Variants in CDHR5 observed in about 807,000 individuals in gnomAD.
CDHR5 encodes cadherin related family member 5, also known as cadherin-related family member 5.
In CDHR5, 82 loss-of-function variants were observed where a neutral mutation model predicts 69.5. The ratio of observed to expected loss-of-function variants is 1.18; its 90% CI spans 0.99 to 1.42. CDHR5 has a LOEUF of 1.42. Ranked by LOEUF, CDHR5 falls within the 40% of genes most tolerant of loss-of-function variation. CDHR5 has a pLI of 0.00. For missense variants in CDHR5, 1,293 were observed against 1,168.9 expected, an observed-to-expected ratio of 1.11 and a Z score of -1.55; for synonymous variants, 601 against 510.2, an observed-to-expected ratio of 1.18 and a Z score of -2.40.
At chr11:620,517 C>T (rs938255207) in intron 7 of CDHR5, 131 bp from the exon 8 acceptor site, 7 of 625,248 alleles carry the variant, frequency 1.1e-5, no homozygotes, top group African/African-American at 3.7e-5. Context: ...CCGGGCGTCC[C>T]TGCCTGCCTA....
rs866649819 is a variant in CDHR5 at position 619,836 on chromosome 11, C to T, written c.1024G>A (p.Val342Met). The T allele has an allele frequency of 6.4e-6, 10 of 1,568,444 alleles. No individual in the cohort carries two copies. The highest frequency in any genetic ancestry group is 4.0e-5 in the African/African-American group (3 of 74,088). ...CTCCCGGCCGCAGCCACAGCCTCCA[C>T]GGTGACCTGGGTCACTGAGTAGCGG... ...LARYSVTQVT[V>M]EAVAAAGSPP... The change falls in exon 10 of 15, where the codon GTG becomes ATG. Residue 342 changes from valine to methionine, a missense_variant. Physicochemically the swap from Val to Met is conservative, Grantham distance 21. Coordinates refer to ENST00000397542, the MANE Select transcript of CDHR5 (RefSeq NM_021924.5).
In CDHR5 at chr11:621,413, C is replaced by T. The variant is rs776648980; in HGVS notation, c.550G>A (p.Ala184Thr). 29 of 1,612,588 alleles carry T rather than the reference C, an allele frequency of 1.8e-5. No individual in the cohort carries two copies. The highest frequency in any genetic ancestry group is 1.2e-4 in the South Asian group (11 of 91,090). ...TCCAGGGGCCGGTCCAGCCTCAGGG[C>T]GGGACGGTTTACACTCACCAGGGAG... Reference protein sequence around the residue: ...YFSLVSVNRPALRLDRPLDFY... With the variant: ...YFSLVSVNRPTLRLDRPLDFY... The change falls in exon 6 of 15, where the codon GCC (alanine) becomes ACC (threonine). Residue 184 changes from alanine (A) to threonine (T), a missense_variant. Transcript: ENST00000397542. This position sits in a 1 kb window ranked among gnomAD's most constrained non-coding sequence, Gnocchi z 4.4.
chr11:619,258 G>A (rs368948601), intron 12 of CDHR5, 48 bp downstream of exon 12: 299 of 1,502,464 alleles, frequency 2.0e-4, no homozygotes, highest in Non-Finnish European at 2.6e-4. Context: ...GCCACCGAAG[G>A]GGCTTATTTG....
chr11:617,676 G>C lies in CDHR5; in HGVS notation c.2213C>G (p.Pro738Arg). ...CTCTGCGGGCATCGGTGCCTCCGCG[G>C]GCTTGGGGTCGTGCGTGGGGCTGGG... Reference protein sequence around the residue: ...PVPSPTHDPKPAEAPMPAEPA... With the variant: ...PVPSPTHDPKRAEAPMPAEPA... Residue 738 changes from proline to arginine, a missense_variant, in exon 15 of 15, where the codon CCC becomes CGC. Transcript: ENST00000397542. 1 of 1,487,596 alleles carries C rather than the reference G, an allele frequency of 6.7e-7. No individual in the cohort carries two copies. The highest frequency in any genetic ancestry group is 8.9e-7 in the Non-Finnish European group (1 of 1,125,026). 92.1% of individuals were successfully genotyped at this position (1,487,596 alleles called of 1,614,324 possible).
intron 14 of CDHR5, 28 bp downstream of exon 14, chr11:617,926 C>G (rs1450371987): frequency 5.0e-6 from 8 of 1,604,776 alleles, no homozygotes; most frequent in Non-Finnish European, 6.8e-6. Context: ...GCCTGGTCGC[C>G]TGCCCTGTTC....
chr11:622,022 G>A (rs907170894), intron 3 of CDHR5, 118 bp from the exon 4 acceptor site: 24 of 738,772 alleles, frequency 3.2e-5, no homozygotes, highest in South Asian at 1.4e-4. Flanking sequence ...ACCTGTCCCC[G>A]CCCTAAGTGA....
chr11:624,715 C>T lies in CDHR5; in HGVS notation c.103G>A (p.Asp35Asn). ...GTGTTCTCCTCTACTTCAAAGATGT[C>T]CTTGTTCACAGAGCAGTCTGTAAGG... ...AQAQYCSVNK[D>N]IFEVEENTNV... Residue 35 changes from aspartate to asparagine, a missense_variant, in exon 2 of 15, where the codon GAC becomes AAC. Coordinates refer to ENST00000397542, the MANE Select transcript of CDHR5 (RefSeq NM_021924.5). The surrounding 1 kb of genome is among the most constrained non-coding windows in gnomAD (Gnocchi z 5.3). 2 of 1,609,520 alleles carry T rather than the reference C, an allele frequency of 1.2e-6. No homozygotes were observed. The highest frequency in any genetic ancestry group is 1.7e-6 in the Non-Finnish European group (2 of 1,177,050).
Position 624,802 on chromosome 11 carries a change from C to T in CDHR5, c.85+16G>A, listed in dbSNP as rs762366527. ...TCCCCGCCGCCCGTGCCCCACCTAC[C>T]CCTGCCCGCACATACACTGGGCCTG... On this transcript the variant is annotated intron_variant, in intron 1 of 14. Transcript: ENST00000397542. This position sits in a 1 kb window ranked among gnomAD's most constrained non-coding sequence, Gnocchi z 5.3. The T allele has an allele frequency of 3.7e-6, 6 of 1,609,248 alleles. No individual in the cohort carries two copies. Among genetic ancestry groups the T allele is most frequent in the Middle Eastern group, 1.7e-4 (1 of 6,024 alleles).
At chr11:618,200 T>C in intron 13 of CDHR5, 89 bp from the exon 14 acceptor site, 2 of 1,152,936 alleles carry the variant, frequency 1.7e-6, no homozygotes, top group South Asian at 1.4e-5. Flanking sequence ...CTTGGGACAC[T>C]TGGGTTCCAC....
In CDHR5 at chr11:617,338, G is replaced by T; in HGVS notation, c.*13C>A. On this transcript the variant is annotated 3_prime_UTR_variant, in exon 15 of 15. Transcript: ENST00000397542. ...AGTGCCCGTGCGGCTGGGGGAGAGG[G>T]TGGAGGGGCCACTTAGATGTAGGAG... 1 of 1,577,148 alleles carries T rather than the reference G, an allele frequency of 6.3e-7. No individual in the cohort carries two copies. The highest frequency in any genetic ancestry group is 8.7e-7 in the Non-Finnish European group (1 of 1,153,306).
At chr11:619,263 T>G (rs372248216) in intron 12 of CDHR5, 43 bp downstream of exon 12, 58 of 1,505,348 alleles carry the variant, frequency 3.9e-5, no homozygotes, top group Non-Finnish European at 5.1e-5. Context: ...CGAAGGGGCT[T>G]ATTTGGAGAA....
Position 618,629 on chromosome 11 carries a change from T to C in CDHR5, c.1930A>G (p.Met644Val). 1 of 1,613,836 alleles carries C rather than the reference T, an allele frequency of 6.2e-7. No individual in the cohort carries two copies. Among genetic ancestry groups the C allele is most frequent in the Non-Finnish European group, 8.5e-7 (1 of 1,179,876 alleles). ...QTPEPGTSQPMPLSKSTPSSG... is the reference protein window; with the variant it reads ...QTPEPGTSQPVPLSKSTPSSG... ...GATGGGGTGCTCTTGCTGAGGGGCATCGGCTGAGAGGTTCCTGGCTCTGGG... is the reference window on the plus strand; with the variant it reads ...GATGGGGTGCTCTTGCTGAGGGGCACCGGCTGAGAGGTTCCTGGCTCTGGG... Residue 644 changes from methionine (M) to valine (V), a missense_variant, in exon 13 of 15, where the codon ATG becomes GTG. Transcript: ENST00000397542.
intron 9 of CDHR5, 21 bp from the exon 10 acceptor site, chr11:619,902 A>G (rs1857263610): frequency 1.3e-6 from 2 of 1,519,310 alleles, no homozygotes; most frequent in East Asian, 4.9e-5. Flanking sequence ...GGGAGGCAGC[A>G]GTGACTAGTG....
In CDHR5 at chr11:621,522, G is replaced by A; in HGVS notation, c.507+40C>T. On this transcript the variant is annotated intron_variant, in intron 5 of 14. Coordinates refer to ENST00000397542, the MANE Select transcript of CDHR5 (RefSeq NM_021924.5). This position sits in a 1 kb window ranked among gnomAD's most constrained non-coding sequence, Gnocchi z 4.4. ...GGCGAGGGCGGCTGTGGGTGTCAGA[G>A]GCGAGGGGCTCGTGCTGGGGCAGGG... 1.9e-6 allele frequency: 3 copies of A among 1,592,546 alleles called. No individual in the cohort carries two copies. Among genetic ancestry groups the A allele is most frequent in the Middle Eastern group, 1.7e-4 (1 of 6,016 alleles).
chr11:619,929 TG>T (rs751990765), intron 9 of CDHR5, 48 bp from the exon 10 acceptor site: 102 of 1,473,506 alleles, frequency 6.9e-5, no homozygotes, highest in Non-Finnish European at 9.0e-5. Flanking sequence ...AAGGTGGAGC[TG>T]GCGCTGAAGG....
rs756889133 is a variant in CDHR5 at position 617,739 on chromosome 11, G to A, written c.2150C>T (p.Ala717Val). 21 of 1,458,422 alleles carry A rather than the reference G, an allele frequency of 1.4e-5. No individual in the cohort carries two copies. The Admixed American group carries it at 2.2e-4, about 15-fold the overall frequency. The allele number at this position is 1,458,422 out of a possible 1,614,324, so 90.3% of individuals were successfully genotyped here. ...EPQPQGFDNQ[A>V]FLPDHKANWA... ...GTTGGCCTTGTGGTCAGGGAGGAAC[G>A]CCTGGTTGTCAAAGCCTTGGGGCTG... Residue 717 changes from alanine to valine, a missense_variant, in exon 15 of 15, where the codon GCG becomes GTG. By Grantham distance (64) the Ala-to-Val change is moderately conservative. Coordinates refer to ENST00000397542, the MANE Select transcript of CDHR5 (RefSeq NM_021924.5).
Position 617,388 on chromosome 11 carries a change from G to T in CDHR5, c.2501C>A (p.Pro834His), listed in dbSNP as rs138995984. The T allele has an allele frequency of 6.2e-7, 1 of 1,610,336 alleles. No homozygotes were observed. Among genetic ancestry groups the T allele is most frequent in the East Asian group, 2.2e-5 (1 of 44,838 alleles). The change falls in exon 15 of 15, where the codon CCC (proline) becomes CAC (histidine). Residue 834 changes from proline (P) to histidine (H), a missense_variant. Pro to His is a moderately conservative substitution (Grantham distance 77). Transcript: ENST00000397542. Reference protein sequence around the residue: ...EGEGAGRGGGPYDAPGGDDSY... With the variant: ...EGEGAGRGGGHYDAPGGDDSY... ...GTCATCACCACCGGGCGCATCGTAGGGACCCCCACCCCTCCCCGCGCCCTC... is the reference window on the plus strand; with the variant it reads ...GTCATCACCACCGGGCGCATCGTAGTGACCCCCACCCCTCCCCGCGCCCTC...
Position 617,102 on chromosome 11 carries a change from G to A in CDHR5, c.*249C>T, listed in dbSNP as rs983476014. ...CGGGAAGGCGGCGGGCACTGCAGGT[G>A]GTTTACGGGAAGTGCTGCAGCCTTG... On this transcript the variant is annotated 3_prime_UTR_variant, in exon 15 of 15. Transcript: ENST00000397542. 1.9e-6 allele frequency: 1 copy of A among 539,354 alleles called. No individual in the cohort carries two copies. The highest frequency in any genetic ancestry group is 2.0e-5 in the African/African-American group (1 of 51,152). The allele number at this position is 539,354 out of a possible 1,614,324, so 33.4% of individuals were successfully genotyped here.
At position 617,111 on chromosome 11, in the gene CDHR5, G is replaced by T. The variant is rs1177083972; in HGVS notation, c.*240C>A. On this transcript the variant is annotated 3_prime_UTR_variant, in exon 15 of 15. Transcript: ENST00000397542. ...GGCGGGCACTGCAGGTGGTTTACGG[G>T]AAGTGCTGCAGCCTTGGGGTGGGGA... 1 of 543,864 alleles carries T rather than the reference G, an allele frequency of 1.8e-6. No homozygotes were observed. The highest frequency in any genetic ancestry group is 3.3e-6 in the Non-Finnish European group (1 of 307,458). 33.7% of individuals were successfully genotyped at this position (543,864 alleles called of 1,614,324 possible).
Sources: allele counts gnomAD v4.1 joint callset, GRCh38; gene constraint gnomAD v4.1.1; non-coding constraint Gnocchi (gnomAD v3.1); transcripts MANE v1.5; gene names NCBI Gene and HGNC (gene_info 2026-07-23, HGNC 2026-07-21).